IQGAP1: variants seen among roughly 807,000 people sequenced by gnomAD.
The protein encoded by IQGAP1 is IQ motif containing GTPase activating protein 1, also known as ras GTPase-activating-like protein IQGAP1.
In IQGAP1, 66 loss-of-function variants were observed where a neutral mutation model predicts 215.6. The observed-to-expected ratio is 0.31, with a 90% CI of 0.25 to 0.38. The LOEUF (loss-of-function observed/expected upper bound fraction) is 0.38, where lower values mean the gene tolerates loss of function less well. Among genes scored for constraint, IQGAP1 ranks in the 10% least tolerant of loss-of-function variants. IQGAP1 has a pLI of 1.00. For missense variants in IQGAP1, 1,712 were observed against 1,997.1 expected (o/e 0.86, Z 2.72); for synonymous variants, 772 against 728.7 (o/e 1.06, Z -0.96).
At chr15:90,430,582 T>C (rs1485842709) in intron 4 of IQGAP1, among the ~76,000 whole-genome samples, 1 of 152,096 alleles carries the variant, frequency 6.6e-6, no homozygotes, top group East Asian at 1.9e-4. Context: ...GAAAAACGGT[T>C]GAAGGTTATA....
At chr15:90,402,567 T>G (rs1862107246) in intron 2 of IQGAP1, among the ~76,000 whole-genome samples, 1 of 152,202 alleles carries the variant, frequency 6.6e-6, no homozygotes, top group Admixed American at 6.5e-5. Flanking sequence ...CTCTAAGAAC[T>G]GTGAGGTTTC....
chr15:90,392,297 A>G (rs12441630), intron 2 of IQGAP1, among the ~76,000 whole-genome samples: 2,720 of 152,356 alleles, frequency 0.018, 60 homozygotes, highest in East Asian at 0.11. Flanking sequence ...AGAAGATGAC[A>G]TAGCAAGGCA....
At chr15:90,393,268 T>C (rs144857730) in intron 2 of IQGAP1, among the ~76,000 whole-genome samples, 45 of 152,282 alleles carry the variant, frequency 3.0e-4, no homozygotes, top group Admixed American at 1.0e-3. Context: ...AACTTCCTTA[T>C]ATAAAATGGC....
At position 90,477,713 on chromosome 15, in the gene IQGAP1, T is replaced by C; in HGVS notation, c.3153T>C (p.Val1051=). The stretch of plus-strand genomic sequence containing the variant: ...AGATTGTGACAGGAAATCCTACGGT[T>C]ATTAAAATGGTTGTAAGTTTCAACC... ...IQEIVTGNPT[V]IKMVVSFNRG... The change falls in exon 26 of 38, where the codon GTT becomes GTC. Residue 1051 remains valine (V), a synonymous_variant. Coordinates refer to ENST00000268182, the MANE Select transcript of IQGAP1 (RefSeq NM_003870.4). The C allele has an allele frequency of 6.2e-7, 1 of 1,614,024 alleles. No homozygotes were observed. The highest frequency in any genetic ancestry group is 1.1e-5 in the South Asian group (1 of 91,078).
intron 15 of IQGAP1, among the ~76,000 whole-genome samples, chr15:90,460,787 C>A (rs1325848030): frequency 6.6e-6 from 1 of 151,436 alleles, no homozygotes; most frequent in Non-Finnish European, 1.5e-5. Flanking sequence ...TAGTTTGAGC[C>A]CAGGAATTTG....
At chr15:90,461,159 T>A (rs971702562) in intron 15 of IQGAP1, among the ~76,000 whole-genome samples, 34 of 151,486 alleles carry the variant, frequency 2.2e-4, no homozygotes, top group African/African-American at 7.5e-4. Context: ...ATACAAAAAA[T>A]TAGCCAGGCG....
chr15:90,475,522 G>C (rs147837372), intron 23 of IQGAP1, among the ~76,000 whole-genome samples: 2,102 of 152,030 alleles, frequency 0.014, 41 homozygotes, highest in African/African-American at 0.048. Context: ...AGGCCGAGAA[G>C]GGCGGATCAC....
rs372323221 is a variant in IQGAP1 at position 90,441,545 on chromosome 15, G to T, written c.689G>T (p.Arg230Leu). Residue 230 changes from arginine to leucine, a missense_variant, in exon 8 of 38, where the codon CGT (arginine) becomes CTT (leucine). Coordinates refer to ENST00000268182, the MANE Select transcript of IQGAP1 (RefSeq NM_003870.4). Reference sequence around the variant, plus strand: ...ATTGCTATTAATGAAGCTATTGACCGTAGAATTCCAGCCGACACATTTGCA... The same window carrying T: ...ATTGCTATTAATGAAGCTATTGACCTTAGAATTCCAGCCGACACATTTGCA... ...AVIAINEAID[R>L]RIPADTFAAL... 2 of 1,612,794 alleles carry T rather than the reference G, an allele frequency of 1.2e-6. No individual in the cohort carries two copies. Among genetic ancestry groups the T allele is most frequent in the Non-Finnish European group, 1.7e-6 (2 of 1,179,782 alleles).
chr15:90,500,055 G>A lies in IQGAP1; in HGVS notation c.4921G>A (p.Val1641Ile), dbSNP rs1228359095. ...CATGAAATTATTTGATAGAGCTAAAGTAAATGTCAACCTCCTGATCTTCCT... is the reference window on the plus strand; with the variant it reads ...CATGAAATTATTTGATAGAGCTAAAATAAATGTCAACCTCCTGATCTTCCT... ...AVMKLFDRAK[V>I]NVNLLIFLLN... The change falls in exon 38 of 38, where the codon GTA becomes ATA. Residue 1641 changes from valine to isoleucine, a missense_variant. Val to Ile is a conservative substitution (Grantham distance 29). Transcript: ENST00000268182. 2 of 1,613,104 alleles carry A rather than the reference G, an allele frequency of 1.2e-6. No homozygotes were observed. The highest frequency in any genetic ancestry group is 2.7e-5 in the African/African-American group (2 of 74,922).
At chr15:90,424,224 A>G (rs192646013) in intron 2 of IQGAP1, among the ~76,000 whole-genome samples, 129 of 152,064 alleles carry the variant, frequency 8.5e-4, no homozygotes, top group Middle Eastern at 6.8e-3. Flanking sequence ...GAACTACACT[A>G]TTTTCCGTAC....
At chr15:90,409,934 G>A (rs1463577640) in intron 2 of IQGAP1, among the ~76,000 whole-genome samples, 1 of 152,176 alleles carries the variant, frequency 6.6e-6, no homozygotes, top group Non-Finnish European at 1.5e-5. Flanking sequence ...TCTGTTGGCT[G>A]CATAAATGTC....
At chr15:90,464,537 G>A (rs1402963635) in intron 15 of IQGAP1, among the ~76,000 whole-genome samples, 1 of 152,022 alleles carries the variant, frequency 6.6e-6, no homozygotes, top group Admixed American at 6.6e-5. Flanking sequence ...ATTGAAATAT[G>A]GCAGCCACAT....
chr15:90,403,668 T>C (rs1319275100), intron 2 of IQGAP1, among the ~76,000 whole-genome samples: 1 of 152,212 alleles, frequency 6.6e-6, no homozygotes, highest in Non-Finnish European at 1.5e-5. Flanking sequence ...CATTTTGCTT[T>C]ACATCTTTTT....
At chr15:90,484,169 A>G (rs750507085) in intron 29 of IQGAP1, 51 bp from the exon 30 acceptor site, 23 of 1,577,562 alleles carry the variant, frequency 1.5e-5, no homozygotes, top group Non-Finnish European at 1.9e-5. Flanking sequence ...CCTCTTGCCA[A>G]CTTCATGTGT....
At chr15:90,439,289 G>T (rs767140635) in intron 5 of IQGAP1, 43 bp from the exon 6 acceptor site, 75 of 1,528,210 alleles carry the variant, frequency 4.9e-5, no homozygotes, top group Non-Finnish European at 6.8e-5. Context: ...TGGCAGCTAG[G>T]CACAGCTGGG....
chr15:90,414,836 C>T (rs556696080), intron 2 of IQGAP1, among the ~76,000 whole-genome samples: 3 of 152,272 alleles, frequency 2.0e-5, no homozygotes, highest in African/African-American at 7.2e-5. Context: ...GTTGACATTT[C>T]AAGCTGAACA....
At chr15:90,404,649 C>T (rs988005067) in intron 2 of IQGAP1, among the ~76,000 whole-genome samples, 5 of 151,916 alleles carry the variant, frequency 3.3e-5, no homozygotes, top group South Asian at 2.1e-4. Flanking sequence ...CCCAGCCTGG[C>T]GTGCAGTGGC....
At chr15:90,394,449 T>C (rs2151694531) in intron 2 of IQGAP1, among the ~76,000 whole-genome samples, 1 of 152,312 alleles carries the variant, frequency 6.6e-6, no homozygotes, top group East Asian at 1.9e-4. Flanking sequence ...CTAGAATCCC[T>C]GTCAGCCACC....
chr15:90,409,301 G>A (rs369887843), intron 2 of IQGAP1, among the ~76,000 whole-genome samples: 35 of 141,666 alleles, frequency 2.5e-4, no homozygotes, highest in Middle Eastern at 3.9e-3. Context: ...GCAGTGGCAC[G>A]ATCTCGGTTC....
Sources: gnomAD v4.1 joint callset for allele counts (sites outside exome capture counted in the v4.1 genomes callset) on GRCh38, gnomAD v4.1.1 for gene constraint, MANE v1.5 for transcripts, NCBI Gene and HGNC (gene_info 2026-07-23, HGNC 2026-07-21) for gene names.